AGBL1: variants seen among roughly 807,000 people sequenced by gnomAD.
AGBL1 encodes the protein cytosolic carboxypeptidase 4.
In AGBL1, 130 loss-of-function variants were observed where a neutral mutation model predicts 118.9. That is an observed-to-expected ratio of 1.09 (90% CI 0.95 to 1.26). The LOEUF is 1.26. Ranked by LOEUF, AGBL1 falls within the 50% of genes most tolerant of loss-of-function variation. AGBL1 has a pLI of 0.00. For missense variants in AGBL1, 1,584 were observed against 1,298.1 expected (o/e 1.22, Z -3.38); for synonymous variants, 555 against 478.9 (o/e 1.16, Z -2.08).
chr15:86,764,881 A>G (rs545942017), intron 22 of AGBL1, among the ~76,000 whole-genome samples: 2 of 151,974 alleles, frequency 1.3e-5, no homozygotes, highest in South Asian at 2.1e-4. Flanking sequence ...ATTAATCTCT[A>G]CTCTAATGAA....
Position 86,332,645 on chromosome 15 carries a change from C to CA in AGBL1, c.2374+37256dup, listed in dbSNP as rs60036454. Among the ~76,000 whole-genome samples, 547 of 88,912 alleles carry CA rather than the reference C, an allele frequency of 6.2e-3. 3 individuals carry two copies. The highest frequency in any genetic ancestry group is 0.035 in the South Asian group (90 of 2,570). 58.3% of individuals were successfully genotyped at this position (88,912 alleles called of 152,430 possible). ...TGGGCGACAGAGTGAGACTCCATCTCAAAAAAAAAAAAAAAAAAAGAAATT... is the reference window on the plus strand; with the variant it reads ...TGGGCGACAGAGTGAGACTCCATCTCAAAAAAAAAAAAAAAAAAAAGAAATT... On this transcript the variant is annotated intron_variant, in intron 17 of 22. Coordinates refer to ENST00000614907, the MANE Select transcript of AGBL1 (RefSeq NM_001386094.1).
At chr15:86,494,511 G>C (rs1249610845) in intron 18 of AGBL1, among the ~76,000 whole-genome samples, 1 of 152,064 alleles carries the variant, frequency 6.6e-6, no homozygotes, top group Non-Finnish European at 1.5e-5. Context: ...GGTGTGCTTA[G>C]AGTGTTGATG....
At chr15:86,601,829 T>C (rs1216953864) in intron 21 of AGBL1, among the ~76,000 whole-genome samples, 1 of 152,116 alleles carries the variant, frequency 6.6e-6, no homozygotes, top group Non-Finnish European at 1.5e-5. Flanking sequence ...CATTACTCCA[T>C]CCAATAGATA....
At chr15:86,808,649 C>T (rs2078749508) in intron 22 of AGBL1, among the ~76,000 whole-genome samples, 1 of 141,684 alleles carries the variant, frequency 7.1e-6, no homozygotes, top group East Asian at 2.1e-4. Flanking sequence ...TCTTTCCTTC[C>T]TTCCCTTTCT....
chr15:86,167,092 G>T (rs2077352104), intron 5 of AGBL1, among the ~76,000 whole-genome samples: 1 of 152,054 alleles, frequency 6.6e-6, no homozygotes, highest in Admixed American at 6.5e-5. Context: ...GTATTTTCCT[G>T]TAAATCACAC....
intron 24 of AGBL1, chr15:86,988,232 TG>T (rs1405840828): frequency 1.1e-6 from 1 of 912,264 alleles, no homozygotes; most frequent in African/African-American, 1.6e-5. Flanking sequence ...CCTTCAGCTT[TG>T]CAAGACAATG....
intron 12 of AGBL1, among the ~76,000 whole-genome samples, chr15:86,266,695 G>C (rs557344742): frequency 6.6e-6 from 1 of 152,208 alleles, no homozygotes; most frequent in Non-Finnish European, 1.5e-5. Context: ...GAGTTCAGGA[G>C]ATGGAGACCA....
At chr15:86,461,065 G>C (rs1457042928) in intron 18 of AGBL1, among the ~76,000 whole-genome samples, 1 of 152,154 alleles carries the variant, frequency 6.6e-6, no homozygotes, top group Non-Finnish European at 1.5e-5. Flanking sequence ...TTCTAGGTCA[G>C]TGGATGTCAA....
In AGBL1 at chr15:86,134,307, A is replaced by G. The variant is rs143203320; in HGVS notation, c.52-7697A>G. ...TGGAAGAACAAATTTATTTTTGGCAATATGGTTTCCTTGGGCTATGAGCTG... is the reference window on the plus strand; with the variant it reads ...TGGAAGAACAAATTTATTTTTGGCAGTATGGTTTCCTTGGGCTATGAGCTG... On this transcript the variant is annotated intron_variant, in intron 1 of 22. Transcript: ENST00000614907. Among the ~76,000 whole-genome samples the G allele has an allele frequency of 4.5e-3, 683 of 152,292 alleles. 6 individuals carry two copies. Among genetic ancestry groups the G allele is most frequent in the Non-Finnish European group, 6.9e-3 (468 of 68,020 alleles).
chr15:86,825,332 A>G (rs2078991672), intron 22 of AGBL1, among the ~76,000 whole-genome samples: 1 of 140,092 alleles, frequency 7.1e-6, no homozygotes, highest in Non-Finnish European at 1.5e-5. Flanking sequence ...AATATTAAAC[A>G]CTTTCTTTTT....
intron 17 of AGBL1, among the ~76,000 whole-genome samples, chr15:86,315,795 A>G (rs1213909326): frequency 6.6e-6 from 1 of 151,808 alleles, no homozygotes; most frequent in Non-Finnish European, 1.5e-5. Context: ...TTAGTCCTCT[A>G]CCTTCCTTTT....
At chr15:86,228,003 G>A (rs370036381) in intron 6 of AGBL1, among the ~76,000 whole-genome samples, 3 of 152,168 alleles carry the variant, frequency 2.0e-5, no homozygotes, top group Non-Finnish European at 1.5e-5. Context: ...TTGGGGAGAA[G>A]TAATAACAGC....
At chr15:87,010,372 G>A (rs28763632) in intron 24 of AGBL1, among the ~76,000 whole-genome samples, 15,214 of 152,110 alleles carry the variant, frequency 0.1, 1,358 homozygotes, top group African/African-American at 0.24. Context: ...CTGTAAATCC[G>A]TTAAACCTCT....
chr15:86,722,152 A>T (rs1359333622), intron 22 of AGBL1, among the ~76,000 whole-genome samples: 1 of 152,170 alleles, frequency 6.6e-6, no homozygotes, highest in Non-Finnish European at 1.5e-5. Context: ...ATTGGAAAAA[A>T]CTACTTTAAA....
intron 6 of AGBL1, among the ~76,000 whole-genome samples, chr15:86,230,340 A>T (rs573691518): frequency 1.2e-4 from 19 of 152,338 alleles, no homozygotes; most frequent in African/African-American, 4.6e-4. Context: ...GCCATCTTTG[A>T]TATGCACCCA....
chr15:86,921,020 A>G (rs1275727002), downstream of AGBL1, among the ~76,000 whole-genome samples: 1 of 152,206 alleles, frequency 6.6e-6, no homozygotes, highest in Non-Finnish European at 1.5e-5. Context: ...GGCAGCTCAC[A>G]CTTAGACCTG....
At chr15:86,906,440 C>T (rs2080280894) in intron 22 of AGBL1, among the ~76,000 whole-genome samples, 1 of 152,202 alleles carries the variant, frequency 6.6e-6, no homozygotes, top group South Asian at 2.1e-4. Flanking sequence ...ACTGTAGAAG[C>T]AGAATGCTGT....
chr15:86,694,276 A>G (rs540741662), intron 22 of AGBL1, among the ~76,000 whole-genome samples: 2 of 152,176 alleles, frequency 1.3e-5, no homozygotes, highest in Non-Finnish European at 2.9e-5. Flanking sequence ...TTCTTTCAGC[A>G]GTGTTTTGGA....
chr15:86,790,715 C>T (rs893864902), intron 22 of AGBL1, among the ~76,000 whole-genome samples: 1 of 151,976 alleles, frequency 6.6e-6, no homozygotes, highest in Non-Finnish European at 1.5e-5. Flanking sequence ...CAGGACTGCT[C>T]CCTCTTCATC....
Sources: gnomAD v4.1 joint callset for allele counts (sites outside exome capture counted in the v4.1 genomes callset) on GRCh38, gnomAD v4.1.1 for gene constraint, MANE v1.5 for transcripts, NCBI Gene and HGNC (gene_info 2026-07-23, HGNC 2026-07-21) for gene names.